TAFA2: variants seen among roughly 807,000 people sequenced by gnomAD.
TAFA2 encodes TAFA chemokine like family member 2.
Under a neutral mutation model 18.8 loss-of-function variants are expected in TAFA2, and 7 were observed. The ratio of observed to expected loss-of-function variants is 0.37; its 90% CI spans 0.21 to 0.70. The LOEUF (loss-of-function observed/expected upper bound fraction) is 0.70, where lower values mean the gene tolerates loss of function less well. TAFA2 is among the 30% of genes least tolerant of loss of function. The pLI is 0.53. For missense variants in TAFA2, 122 were observed against 158.1 expected, an observed-to-expected ratio of 0.77 and a Z score of 1.23; for synonymous variants, 60 against 54.2, an observed-to-expected ratio of 1.11 and a Z score of -0.47.
chr12:61,934,014 G>C (rs923971840), intron 1 of TAFA2, among the ~76,000 whole-genome samples: 12 of 152,204 alleles, frequency 7.9e-5, no homozygotes, highest in Non-Finnish European at 8.8e-5. Flanking sequence ...GAAAGGTTAA[G>C]TGACTTCCCC....
At position 62,209,821 on chromosome 12, in the gene TAFA2, T is replaced by A. The variant is rs150743009; in HGVS notation, c.-130+48942A>T. Among the ~76,000 whole-genome samples, 11 of 152,354 alleles carry A rather than the reference T, an allele frequency of 7.2e-5. No individual in the cohort carries two copies. The East Asian group carries it at 2.1e-3, about 29-fold the overall frequency. Reference sequence around the variant, plus strand: ...CTTATCTCTTTGTTTTTGTAATCATTCTATATGATAGATATTATCTCATTT... The same window carrying A: ...CTTATCTCTTTGTTTTTGTAATCATACTATATGATAGATATTATCTCATTT... On this transcript the variant is annotated intron_variant, in intron 1 of 5. Coordinates refer to the TAFA2 transcript ENST00000551619.
intron 2 of TAFA2, among the ~76,000 whole-genome samples, chr12:61,831,950 CTTTCT>C (rs1872737055): frequency 6.6e-6 from 1 of 151,960 alleles, no homozygotes; most frequent in East Asian, 1.9e-4. Flanking sequence ...CATCTATTTT[CTTTCT>C]TTTGTCATCA....
intron 1 of TAFA2, among the ~76,000 whole-genome samples, chr12:61,899,176 T>C (rs1875987934): frequency 6.6e-6 from 1 of 152,232 alleles, no homozygotes; most frequent in Non-Finnish European, 1.5e-5. Context: ...AGTTCCAATC[T>C]TTCCTACATC....
chr12:62,156,275 A>G (rs974021684), intron 1 of TAFA2, among the ~76,000 whole-genome samples: 4 of 152,170 alleles, frequency 2.6e-5, no homozygotes, highest in Admixed American at 1.3e-4. Flanking sequence ...GAACGTCCAT[A>G]ATCAAAACAT....
At chr12:62,241,963 AAGAT>A (rs925752829) in intron 1 of TAFA2, among the ~76,000 whole-genome samples, 2 of 152,356 alleles carry the variant, frequency 1.3e-5, no homozygotes, top group African/African-American at 4.8e-5. Flanking sequence ...GGCATAGATG[AAGAT>A]AGTTAAGAGA....
chr12:61,869,694 A>G (rs1874510886), intron 1 of TAFA2, among the ~76,000 whole-genome samples: 1 of 152,202 alleles, frequency 6.6e-6, no homozygotes, highest in African/African-American at 2.4e-5. Context: ...AGCTATAACA[A>G]TAACCTGGTT....
At chr12:62,058,446 G>A (rs571547281) in intron 1 of TAFA2, among the ~76,000 whole-genome samples, 2 of 152,256 alleles carry the variant, frequency 1.3e-5, no homozygotes, top group Admixed American at 6.5e-5. Context: ...CTCACTATGT[G>A]CTGGGCACTG....
chr12:61,788,893 T>G (rs1285920421), intron 2 of TAFA2, among the ~76,000 whole-genome samples: 1 of 151,814 alleles, frequency 6.6e-6, no homozygotes, highest in African/African-American at 2.4e-5. Context: ...AATCTATCAG[T>G]ACTAAAAGTT....
chr12:62,064,947 A>G (rs534153872), intron 1 of TAFA2, among the ~76,000 whole-genome samples: 1 of 152,040 alleles, frequency 6.6e-6, no homozygotes, highest in East Asian at 1.9e-4. Context: ...TCCATTGTCT[A>G]TGTTTCTCTA....
At chr12:62,045,224 G>A (rs1003996950) in intron 1 of TAFA2, among the ~76,000 whole-genome samples, 1 of 152,088 alleles carries the variant, frequency 6.6e-6, no homozygotes, top group South Asian at 2.1e-4. Flanking sequence ...TCATGCTCCA[G>A]TTGCCCTGTT....
chr12:62,101,766 A>G (rs1376617385), intron 1 of TAFA2, among the ~76,000 whole-genome samples: 1 of 152,224 alleles, frequency 6.6e-6, no homozygotes, highest in Non-Finnish European at 1.5e-5. Flanking sequence ...ATACTAGCCA[A>G]TGGTATAGCA....
At chr12:62,147,799 A>G (rs2062297921) in intron 1 of TAFA2, among the ~76,000 whole-genome samples, 5 of 151,488 alleles carry the variant, frequency 3.3e-5, no homozygotes. Context: ...GTGAAAAAAT[A>G]TTTGCAAATT....
chr12:62,146,816 T>G (rs2062284805), intron 1 of TAFA2, among the ~76,000 whole-genome samples: 2 of 152,170 alleles, frequency 1.3e-5, no homozygotes, highest in Non-Finnish European at 2.9e-5. Context: ...TCTCAAGATA[T>G]GTAAGATATA....
intron 1 of TAFA2, among the ~76,000 whole-genome samples, chr12:62,256,942 G>A (rs1230405502): frequency 1.3e-5 from 2 of 152,074 alleles, no homozygotes; most frequent in Non-Finnish European, 2.9e-5. Context: ...AGAATGAAAG[G>A]TTTAGAGAGG....
intron 1 of TAFA2, among the ~76,000 whole-genome samples, chr12:62,019,587 G>T (rs374159924): frequency 1.5e-3 from 224 of 150,570 alleles, no homozygotes; most frequent in South Asian, 7.8e-3. Context: ...ACCAAACACC[G>T]CGTGTTCTCA....
chr12:61,774,594 C>G (rs1165957049), intron 2 of TAFA2, among the ~76,000 whole-genome samples: 1 of 151,728 alleles, frequency 6.6e-6, no homozygotes, highest in African/African-American at 2.4e-5. Flanking sequence ...TGTATGTTCT[C>G]ACTTATAAGT....
At chr12:62,174,293 C>T (rs969268431) in intron 1 of TAFA2, among the ~76,000 whole-genome samples, 6 of 151,500 alleles carry the variant, frequency 4.0e-5, no homozygotes, top group East Asian at 1.9e-4. Flanking sequence ...TCCAGCTGGG[C>T]GACAGGGTGA....
At chr12:61,969,709 G>A (rs538793734) in intron 1 of TAFA2, among the ~76,000 whole-genome samples, 530 of 151,670 alleles carry the variant, frequency 3.5e-3, no homozygotes, top group Middle Eastern at 6.8e-3. Context: ...CAAAAATAAT[G>A]ATATAATAAT....
At chr12:61,714,189 C>G (rs1352926412) in intron 4 of TAFA2, among the ~76,000 whole-genome samples, 3 of 152,112 alleles carry the variant, frequency 2.0e-5, no homozygotes, top group Non-Finnish European at 2.9e-5. Flanking sequence ...AGAAATGGCC[C>G]TATGATTGTT....
Sources: gnomAD v4.1 joint callset for allele counts (sites outside exome capture counted in the v4.1 genomes callset) on GRCh38, gnomAD v4.1.1 for gene constraint, MANE v1.5 for transcripts, NCBI Gene and HGNC (gene_info 2026-07-23, HGNC 2026-07-21) for gene names.